Variants in TRHDE observed in about 807,000 individuals in gnomAD.
TRHDE encodes thyrotropin releasing hormone degrading enzyme.
TRHDE carries 72 observed loss-of-function variants against 125.7 expected under a neutral mutation model. The observed-to-expected ratio is 0.57, with a 90% CI of 0.47 to 0.70. TRHDE has a LOEUF of 0.70. Ranked by LOEUF, TRHDE falls within the 30% of genes least tolerant of loss-of-function variation. The pLI is 0.00. For synonymous variants in TRHDE, 509 were observed against 509.1 expected, an observed-to-expected ratio of 1.00 and a Z score of 0.00; for missense variants, 1,110 against 1,327.1, an observed-to-expected ratio of 0.84 and a Z score of 2.54.
At chr12:72,206,405 A>G (rs1877666444) in intron 2 of TRHDE, among the ~76,000 whole-genome samples, 1 of 152,112 alleles carries the variant, frequency 6.6e-6, no homozygotes, top group South Asian at 2.1e-4. Context: ...ACTGATTGTT[A>G]TTTAATTCTG....
chr12:72,661,824 T>C (rs1405764783), intron 18 of TRHDE, among the ~76,000 whole-genome samples: 3 of 152,160 alleles, frequency 2.0e-5, no homozygotes, highest in African/African-American at 4.8e-5. Flanking sequence ...TTGTTATACA[T>C]TGGCTATTTT....
At chr12:72,641,784 C>T (rs1312418169) in intron 15 of TRHDE, among the ~76,000 whole-genome samples, 1 of 151,878 alleles carries the variant, frequency 6.6e-6, no homozygotes, top group South Asian at 2.1e-4. Flanking sequence ...AACTAAAATA[C>T]CAATTCACTA....
chr12:72,320,991 C>T (rs894572815), intron 2 of TRHDE, among the ~76,000 whole-genome samples: 14 of 152,064 alleles, frequency 9.2e-5, no homozygotes, highest in South Asian at 2.1e-4. Flanking sequence ...AGCTTTGATT[C>T]GAAGTGAAGG....
intron 12 of TRHDE, among the ~76,000 whole-genome samples, chr12:72,579,882 C>A (rs986018240): frequency 6.6e-6 from 1 of 152,074 alleles, no homozygotes; most frequent in Non-Finnish European, 1.5e-5. Flanking sequence ...TATCCTAATG[C>A]AAATGCCCAT....
chr12:72,215,132 G>A (rs995992636), intron 2 of TRHDE, among the ~76,000 whole-genome samples: 4 of 151,884 alleles, frequency 2.6e-5, no homozygotes, highest in African/African-American at 7.3e-5. Flanking sequence ...GGGTGGGGCC[G>A]TTTTATAGGA....
chr12:72,502,064 T>A lies in TRHDE; in HGVS notation c.1722+2429T>A, dbSNP rs1346396591. Among the ~76,000 whole-genome samples, 4 of 152,102 alleles carry A rather than the reference T, an allele frequency of 2.6e-5. No individual in the cohort carries two copies. In the South Asian group the frequency reaches 8.3e-4, roughly 31 times the overall value. ...TGGTAATTTGTGTATTATTCCTTTTTTTGTGATTTGTCTAGCTGGACATTT... is the reference window on the plus strand; with the variant it reads ...TGGTAATTTGTGTATTATTCCTTTTATTGTGATTTGTCTAGCTGGACATTT... On this transcript the variant is annotated intron_variant, in intron 6 of 18. Coordinates refer to ENST00000261180, the MANE Select transcript of TRHDE (RefSeq NM_013381.3).
At chr12:72,254,707 C>G (rs1026378932) in intron 2 of TRHDE, 1 of 152,202 alleles carries the variant, frequency 6.6e-6, no homozygotes, top group African/African-American at 2.4e-5. Context: ...CCTACTGGTT[C>G]CTACAGATGA....
chr12:72,203,768 C>G (rs1423934813), intron 2 of TRHDE, among the ~76,000 whole-genome samples: 3 of 152,162 alleles, frequency 2.0e-5, no homozygotes, highest in Admixed American at 1.3e-4. Flanking sequence ...TATTATACCC[C>G]TAAGTGATCA....
intron 6 of TRHDE, among the ~76,000 whole-genome samples, chr12:72,541,120 G>T (rs563089494): frequency 9.2e-5 from 14 of 151,646 alleles, no homozygotes; most frequent in Non-Finnish European, 1.5e-4. Context: ...CGATTTTCTT[G>T]TAAAAAGAGA....
intron 2 of TRHDE, among the ~76,000 whole-genome samples, chr12:72,338,010 T>C (rs958330192): frequency 7.2e-5 from 11 of 152,118 alleles, no homozygotes; most frequent in Admixed American, 2.0e-4. Flanking sequence ...AAGCAACTTA[T>C]AGAAAATTTC....
At chr12:72,591,054 A>C (rs573623493) in intron 12 of TRHDE, among the ~76,000 whole-genome samples, 4 of 152,200 alleles carry the variant, frequency 2.6e-5, no homozygotes, top group South Asian at 4.1e-4. Context: ...GCAAAGGAGG[A>C]GCAAAGGCAT....
intron 5 of TRHDE, among the ~76,000 whole-genome samples, chr12:72,492,751 G>C (rs1340517886): frequency 1.3e-5 from 2 of 151,748 alleles, no homozygotes; most frequent in African/African-American, 4.8e-5. Flanking sequence ...GTTTAACCTA[G>C]GGACTCTTAA....
rs145791047 is a variant in TRHDE at position 72,190,245 on chromosome 12, G to A, written n.279+84493G>A. Among the ~76,000 whole-genome samples the A allele has an allele frequency of 9.2e-5, 14 of 152,220 alleles. No individual in the cohort carries two copies. The East Asian group carries it at 2.1e-3, about 23-fold the overall frequency. ...CCTACTCCTGTTGCAGTGTTACCTC[G>A]CCATCAACCCACCTGTGGCCTCATG... On this transcript the variant is annotated intron_variant and non_coding_transcript_variant, in intron 2 of 4. Coordinates refer to the TRHDE transcript ENST00000548156.
intron 7 of TRHDE, 122 bp from the exon 8 acceptor site, chr12:72,562,042 CT>C (rs951231638): frequency 2.0e-6 from 1 of 507,434 alleles, no homozygotes; most frequent in African/African-American, 2.0e-5. Flanking sequence ...GATTATTTAT[CT>C]TTTTTATGTC....
intron 3 of TRHDE, among the ~76,000 whole-genome samples, chr12:72,462,059 C>T (rs144862806): frequency 3.4e-4 from 52 of 152,202 alleles, no homozygotes; most frequent in African/African-American, 1.3e-3. Flanking sequence ...GATCCCAAAC[C>T]CAGTATGGAC....
intron 3 of TRHDE, among the ~76,000 whole-genome samples, chr12:72,444,336 C>T (rs1164671945): frequency 6.6e-6 from 1 of 151,862 alleles, no homozygotes; most frequent in Non-Finnish European, 1.5e-5. Flanking sequence ...CTTTCATTTG[C>T]TAATCTGTGT....
intron 5 of TRHDE, among the ~76,000 whole-genome samples, chr12:72,489,293 C>CAA (rs374158701): frequency 3.5e-5 from 5 of 144,748 alleles, no homozygotes; most frequent in Admixed American, 2.1e-4. Flanking sequence ...AAACAAAAAA[C>CAA]AAAAAAAATT....
chr12:72,144,648 C>T (rs566361795), intron 2 of TRHDE, among the ~76,000 whole-genome samples: 17 of 152,292 alleles, frequency 1.1e-4, no homozygotes, highest in African/African-American at 3.8e-4. Context: ...AATTCATCTT[C>T]CTTGTTCCAA....
chr12:72,536,572 T>G (rs1868870295), intron 6 of TRHDE, among the ~76,000 whole-genome samples: 2 of 152,084 alleles, frequency 1.3e-5, no homozygotes, highest in Admixed American at 1.3e-4. Flanking sequence ...TCCTGCTCAG[T>G]GATTGGCTAG....
Sources: allele counts gnomAD v4.1 joint callset (sites outside exome capture counted in the v4.1 genomes callset), GRCh38; gene constraint gnomAD v4.1.1; transcripts MANE v1.5; gene names NCBI Gene and HGNC (gene_info 2026-07-23, HGNC 2026-07-21).